The following PUS10 variants were observed in gnomAD, a reference collection of about 807,000 sequenced individuals.
PUS10 encodes the protein pseudouridine synthase 10.
PUS10 carries 59 observed loss-of-function variants against 75.0 expected under a neutral mutation model. That is an observed-to-expected ratio of 0.79 (90% CI 0.64 to 0.98). The LOEUF is 0.98. Ranked by LOEUF, PUS10 falls within the 50% of genes least tolerant of loss-of-function variation. The pLI is 0.00. For synonymous variants in PUS10, 219 were observed against 211.6 expected (o/e 1.03, Z -0.30); for missense variants, 650 against 614.4 (o/e 1.06, Z -0.61).
intron 4 of PUS10, among the ~76,000 whole-genome samples, chr2:61,002,781 ACT>A (rs1217002131): frequency 2.6e-5 from 4 of 152,196 alleles, no homozygotes; most frequent in Admixed American, 6.5e-5. Flanking sequence ...GGTATTTATT[ACT>A]CTCTTATAAT....
intron 1 of PUS10, 147 bp downstream of exon 1, chr2:61,017,861 G>T: frequency 6.5e-7 from 1 of 1,550,058 alleles, no homozygotes; most frequent in Non-Finnish European, 8.7e-7. Context: ...AGTGAGTGTG[G>T]GATTCTTCAG....
intron 5 of PUS10, among the ~76,000 whole-genome samples, chr2:60,968,515 T>A (rs927034947): frequency 2.0e-5 from 3 of 152,082 alleles, no homozygotes; most frequent in Non-Finnish European, 2.9e-5. Flanking sequence ...AAATTACTCC[T>A]TATAGGCAAC....
At chr2:61,006,932 T>G (rs1679249710) in intron 3 of PUS10, among the ~76,000 whole-genome samples, 1 of 152,048 alleles carries the variant, frequency 6.6e-6, no homozygotes, top group African/African-American at 2.4e-5. Flanking sequence ...TCAAACAAAA[T>G]AAACCCAAAT....
chr2:61,005,924 T>C (rs1013634947), intron 4 of PUS10, among the ~76,000 whole-genome samples: 1 of 152,222 alleles, frequency 6.6e-6, no homozygotes, highest in African/African-American at 2.4e-5. Context: ...TATAAACGAA[T>C]ATGCTTAGAA....
intron 4 of PUS10, among the ~76,000 whole-genome samples, chr2:60,990,653 G>C (rs1678017870): frequency 6.6e-6 from 1 of 152,200 alleles, no homozygotes; most frequent in Non-Finnish European, 1.5e-5. Flanking sequence ...AATGCCCCTA[G>C]CTAGAACTCA....
At chr2:60,971,157 G>A (rs1341492888) in intron 5 of PUS10, among the ~76,000 whole-genome samples, 1 of 150,898 alleles carries the variant, frequency 6.6e-6, no homozygotes, top group Non-Finnish European at 1.5e-5. Context: ...TCCAGCCTGG[G>A]TGACAGAACA....
chr2:60,944,586 G>A (rs1674823239), intron 17 of PUS10, among the ~76,000 whole-genome samples: 1 of 152,184 alleles, frequency 6.6e-6, no homozygotes, highest in South Asian at 2.1e-4. Flanking sequence ...GACTGTAAGA[G>A]CAGAGAACTT....
intron 4 of PUS10, among the ~76,000 whole-genome samples, chr2:60,973,391 G>T (rs993645005): frequency 1.3e-5 from 2 of 152,240 alleles, no homozygotes; most frequent in African/African-American, 4.8e-5. Context: ...GCCTGGAGGG[G>T]TCTGCTCCCG....
chr2:61,011,990 G>A (rs1171963362), intron 1 of PUS10, 85 bp from the exon 2 acceptor site: 2 of 1,060,502 alleles, frequency 1.9e-6, no homozygotes, highest in Non-Finnish European at 2.6e-6. Flanking sequence ...ATAAAAACTA[G>A]CTTTCATTTG....
At chr2:60,994,230 T>C (rs1678304910) in intron 4 of PUS10, among the ~76,000 whole-genome samples, 1 of 151,898 alleles carries the variant, frequency 6.6e-6, no homozygotes, top group African/African-American at 2.4e-5. Flanking sequence ...GACTTCAAGG[T>C]AGCACTTGCC....
chr2:61,016,476 T>C (rs900578563), intron 1 of PUS10, among the ~76,000 whole-genome samples: 8 of 152,246 alleles, frequency 5.3e-5, no homozygotes, highest in African/African-American at 1.9e-4. Flanking sequence ...AGATTTATTA[T>C]GTTTGAAAGC....
chr2:60,948,043 G>C lies in PUS10; in HGVS notation c.1451C>G (p.Thr484Ser). ...FRLHLKTQAG[T>S]YIKEFVHGDF... ...GGCAGTGCAGCAGGTGGAAGGATAC[G>C]TGCCAGCCTGAGTTTTCAAGTGGAG... Residue 484 changes from threonine to serine, a missense_variant and splice_region_variant, in exon 16 of 18, where the codon ACC (threonine) becomes AGC (serine). Transcript: ENST00000316752. The C allele has an allele frequency of 6.2e-7, 1 of 1,614,060 alleles. No homozygotes were observed. The highest frequency in any genetic ancestry group is 8.5e-7 in the Non-Finnish European group (1 of 1,179,998).
At chr2:60,963,898 T>G (rs910357710) in intron 8 of PUS10, among the ~76,000 whole-genome samples, 16 of 152,272 alleles carry the variant, frequency 1.1e-4, no homozygotes, top group Non-Finnish European at 2.1e-4. Flanking sequence ...TTGATGCCTA[T>G]TATTATATTT....
At chr2:61,012,790 C>A (rs1195325833) in intron 1 of PUS10, among the ~76,000 whole-genome samples, 1 of 123,828 alleles carries the variant, frequency 8.1e-6, no homozygotes, top group African/African-American at 3.2e-5. Flanking sequence ...GCCGAGATTG[C>A]GCCATTGCAC....
chr2:60,966,028 A>G (rs1676317781), intron 6 of PUS10: 1 of 152,094 alleles, frequency 6.6e-6, no homozygotes, highest in Admixed American at 6.5e-5. Flanking sequence ...CAGTTTTTCA[A>G]TCCCACGCCA....
At position 60,981,285 on chromosome 2, in the gene PUS10, T is replaced by C. The variant is rs74261626; in HGVS notation, c.469-9728A>G. Among the ~76,000 whole-genome samples the C allele has an allele frequency of 4.6e-5, 7 of 151,890 alleles. No individual in the cohort carries two copies. In the East Asian group the frequency reaches 1.4e-3, roughly 30 times the overall value. On this transcript the variant is annotated intron_variant, in intron 4 of 17. Coordinates refer to ENST00000316752, the MANE Select transcript of PUS10 (RefSeq NM_144709.4). ...CCATATTAGCAATTAAAACCATAAA[T>C]TAAATTATTTTTTTTGAGACTGAGT...
chr2:60,986,334 GT>G (rs1358042131), intron 4 of PUS10, among the ~76,000 whole-genome samples: 3 of 152,084 alleles, frequency 2.0e-5, no homozygotes, highest in African/African-American at 7.2e-5. Flanking sequence ...AAAACTACCT[GT>G]TTTAAAATTT....
At chr2:60,980,412 T>C (rs940355644) in intron 4 of PUS10, among the ~76,000 whole-genome samples, 3 of 152,262 alleles carry the variant, frequency 2.0e-5, no homozygotes, top group Non-Finnish European at 4.4e-5. Context: ...TTGAGCACAA[T>C]ACAAGTTGCA....
chr2:60,967,728 C>T (rs1325212806), intron 5 of PUS10, 115 bp from the exon 6 acceptor site: 2 of 620,934 alleles, frequency 3.2e-6, no homozygotes, highest in African/African-American at 3.8e-5. Context: ...ATGTACCAGG[C>T]ACTATTCTAC....
Sources: allele counts gnomAD v4.1 joint callset (sites outside exome capture counted in the v4.1 genomes callset), GRCh38; gene constraint gnomAD v4.1.1; transcripts MANE v1.5; gene names NCBI Gene and HGNC (gene_info 2026-07-23, HGNC 2026-07-21).